CLNK: variants seen among roughly 807,000 people sequenced by gnomAD.
The protein encoded by CLNK is cytokine-dependent hematopoietic cell linker.
Under a neutral mutation model 68.6 loss-of-function variants are expected in CLNK, and 74 were observed. The observed-to-expected ratio is 1.08, with a 90% CI of 0.89 to 1.31. The LOEUF (loss-of-function observed/expected upper bound fraction) is 1.31, where lower values mean the gene tolerates loss of function less well. CLNK is among the 50% of genes most tolerant of loss of function. The pLI is 0.00. For synonymous variants in CLNK, 198 were observed against 172.2 expected, an observed-to-expected ratio of 1.15 and a Z score of -1.17; for missense variants, 553 against 515.3, an observed-to-expected ratio of 1.07 and a Z score of -0.71.
chr4:10,734,845 C>G, the CLNK span, among the ~76,000 whole-genome samples: 8 of 152,266 alleles, frequency 5.3e-5, no homozygotes, highest in African/African-American at 1.4e-4. Flanking sequence ...TCTGCTGGCT[C>G]TAGGACAAAG....
At chr4:10,687,691 C>T (rs138235862), upstream of CLNK, among the ~76,000 whole-genome samples, 682 of 152,198 alleles carry the variant, frequency 4.5e-3, 14 homozygotes, top group Non-Finnish European at 1.6e-3. Flanking sequence ...CAAGGAAGAG[C>T]GTGACACAGA....
the CLNK span, among the ~76,000 whole-genome samples, chr4:10,700,026 GTA>G: frequency 2.4e-4 from 36 of 151,418 alleles, no homozygotes; most frequent in East Asian, 5.8e-4. Context: ...GTGTGTGTGT[GTA>G]TATATATATT....
intron 1 of CLNK, among the ~76,000 whole-genome samples, chr4:10,674,955 TCA>T (rs1358020676): frequency 6.6e-6 from 1 of 150,778 alleles, no homozygotes; most frequent in East Asian, 2.0e-4. Flanking sequence ...GAGGGGAACA[TCA>T]CACACTGGGG....
chr4:10,526,320 G>A (rs1718318200), intron 13 of CLNK, among the ~76,000 whole-genome samples: 1 of 152,120 alleles, frequency 6.6e-6, no homozygotes, highest in East Asian at 1.9e-4. Context: ...CAAGTACTCT[G>A]CCAGAGTCTG....
At chr4:10,571,359 A>T (rs2108827802) in intron 5 of CLNK, among the ~76,000 whole-genome samples, 2 of 100,178 alleles carry the variant, frequency 2.0e-5, no homozygotes, top group South Asian at 3.6e-4. Flanking sequence ...TTTGAGACAG[A>T]GTTTCGCTCT....
At chr4:10,662,666 A>G (rs1724239642) in intron 2 of CLNK, among the ~76,000 whole-genome samples, 1 of 152,238 alleles carries the variant, frequency 6.6e-6, no homozygotes, top group Non-Finnish European at 1.5e-5. Context: ...AAAAGGAAAC[A>G]TTGTTATTAA....
the CLNK span, among the ~76,000 whole-genome samples, chr4:10,722,107 G>A: frequency 6.6e-6 from 1 of 152,314 alleles, no homozygotes; most frequent in East Asian, 1.9e-4. Flanking sequence ...CCCGGAAATG[G>A]AGGTTGCAGT....
chr4:10,708,713 G>T, the CLNK span, among the ~76,000 whole-genome samples: 1 of 152,178 alleles, frequency 6.6e-6, no homozygotes, highest in African/African-American at 2.4e-5. Flanking sequence ...TAACCACTCT[G>T]GTGGTAGGGT....
chr4:10,594,958 G>T (rs755771904), intron 3 of CLNK, among the ~76,000 whole-genome samples: 14 of 152,114 alleles, frequency 9.2e-5, no homozygotes, highest in Admixed American at 2.6e-4. Context: ...GCTGGATGTG[G>T]TGGCACATGC....
At chr4:10,625,605 A>G in intron 2 of CLNK, among the ~76,000 whole-genome samples, 1 of 152,138 alleles carries the variant, frequency 6.6e-6, no homozygotes, top group Non-Finnish European at 1.5e-5. Context: ...CAGAAAGATA[A>G]AGAGACACAG....
the CLNK span, among the ~76,000 whole-genome samples, chr4:10,702,766 A>G: frequency 6.6e-6 from 1 of 152,202 alleles, no homozygotes; most frequent in East Asian, 1.9e-4. Flanking sequence ...ATGAATTACC[A>G]TTTATGAAAC....
chr4:10,574,660 C>T (rs1437353526), intron 4 of CLNK, among the ~76,000 whole-genome samples: 1 of 152,154 alleles, frequency 6.6e-6, no homozygotes, highest in Non-Finnish European at 1.5e-5. Flanking sequence ...TTGTCTTATG[C>T]CCAATATCTG....
chr4:10,496,737 T>G lies in CLNK; in HGVS notation c.1140+4519A>C, dbSNP rs79855151. Among the ~76,000 whole-genome samples, 435 of 152,332 alleles carry G rather than the reference T, an allele frequency of 2.9e-3. 17 individuals carry two copies. The East Asian group carries it at 0.071, about 25-fold the overall frequency. On this transcript the variant is annotated intron_variant, in intron 18 of 18. Transcript: ENST00000226951. ...CCAAATCAAATGGAAACACTTCAGT[T>G]ATGACAGGAAGTATCCTTTCTATTT...
intron 2 of CLNK, among the ~76,000 whole-genome samples, chr4:10,661,479 G>A (rs1385356432): frequency 6.6e-6 from 1 of 152,186 alleles, no homozygotes; most frequent in African/African-American, 2.4e-5. Flanking sequence ...TCAGAAATAT[G>A]TCAGTTTTAT....
chr4:10,581,836 A>T (rs17383095), intron 4 of CLNK, among the ~76,000 whole-genome samples: 27,682 of 151,960 alleles, frequency 0.18, 2,862 homozygotes, highest in African/African-American at 0.28. Context: ...TCTAGAGAAT[A>T]GAGAACAGCT....
the CLNK span, among the ~76,000 whole-genome samples, chr4:10,716,548 T>C: frequency 6.6e-6 from 1 of 152,204 alleles, no homozygotes; most frequent in Non-Finnish European, 1.5e-5. Flanking sequence ...GATTTCTTTC[T>C]GTTTTACGTG....
At chr4:10,692,200 T>A in the CLNK span, 4 of 152,174 alleles carry the variant, frequency 2.6e-5, no homozygotes, top group South Asian at 2.1e-4. Context: ...TGAAGTTTAG[T>A]CTACAATGTA....
intron 16 of CLNK, among the ~76,000 whole-genome samples, chr4:10,511,788 C>T (rs185005963): frequency 2.0e-4 from 30 of 152,116 alleles, no homozygotes; most frequent in Admixed American, 5.2e-4. Context: ...AGGTTATTTC[C>T]GTCTTTTGTC....
chr4:10,542,289 T>TAAGA lies in CLNK; in HGVS notation c.446-13_446-10dup, dbSNP rs765529791. On this transcript the variant is annotated splice_polypyrimidine_tract_variant and intron_variant, in intron 8 of 18. Transcript: ENST00000226951. ...TCTTACGGATGCATCTCCTAAAACATAAGAGGGAATAGCAGTGAATTTATG... is the reference window on the plus strand; with the variant it reads ...TCTTACGGATGCATCTCCTAAAACATAAGAAAGAGGGAATAGCAGTGAATTTATG... 6.6e-7 allele frequency: 1 copy of TAAGA among 1,525,376 alleles called. No homozygotes were observed. Among genetic ancestry groups the TAAGA allele is most frequent in the Non-Finnish European group, 9.0e-7 (1 of 1,114,896 alleles). The allele number at this position is 1,525,376 out of a possible 1,614,324, so 94.5% of individuals were successfully genotyped here.
Sources: gnomAD v4.1 joint callset for allele counts (sites outside exome capture counted in the v4.1 genomes callset) on GRCh38, gnomAD v4.1.1 for gene constraint, MANE v1.5 for transcripts, NCBI Gene and HGNC (gene_info 2026-07-23, HGNC 2026-07-21) for gene names.